The following SLC17A7 variants were observed in gnomAD, a reference collection of about 807,000 sequenced individuals.
The protein encoded by SLC17A7 is solute carrier family 17 member 7.
A neutral mutation model predicts 59.1 loss-of-function variants in SLC17A7; 15 were observed. The ratio of observed to expected loss-of-function variants is 0.25; its 90% CI spans 0.17 to 0.39. The LOEUF (loss-of-function observed/expected upper bound fraction) is 0.39, where lower values mean the gene tolerates loss of function less well. Ranked by LOEUF, SLC17A7 falls within the 10% of genes least tolerant of loss-of-function variation. The probability of loss-of-function intolerance (pLI) is 1.00; values close to 1 mark genes in which losing one functional copy is unlikely to be tolerated. For synonymous variants in SLC17A7, 353 were observed against 308.9 expected (o/e 1.14, Z -1.50); for missense variants, 499 against 765.1 (o/e 0.65, Z 4.10).
At chr19:49,441,275 T>C (rs781243235) in intron 1 of SLC17A7, 43 bp downstream of exon 1, 7 of 1,596,526 alleles carry the variant, frequency 4.4e-6, no homozygotes, top group Non-Finnish European at 6.0e-6. Context: ...AGCATCCTCC[T>C]CAGATCCTCC....
rs1878680999 is a variant in SLC17A7, at chr19:49,436,450, G to T, written c.315+99C>A. 8 of 1,484,052 alleles carry T rather than the reference G, an allele frequency of 5.4e-6. No homozygotes were observed. In the South Asian group the frequency reaches 6.2e-5, roughly 12 times the overall value. 91.9% of individuals were successfully genotyped at this position (1,484,052 alleles called of 1,614,324 possible). A position where few individuals can be genotyped will look rare whatever the true frequency, so the allele number is the denominator to read the frequency against. On this transcript the variant is annotated intron_variant, in intron 2 of 11. Coordinates refer to ENST00000221485, the MANE Select transcript of SLC17A7 (RefSeq NM_020309.4). The surrounding 1 kb of genome is among the most constrained non-coding windows in gnomAD (Gnocchi z 4.1). The stretch of plus-strand genomic sequence containing the variant: ...ATTCCGACAGCGTTTCGGAAGGGGC[G>T]TGGCCTGGACGTCTGGTGGGTGAGT...
At position 49,430,500 on chromosome 19, in the gene SLC17A7, T is replaced by G. The variant is rs2078953959; in HGVS notation, c.*19A>C. 6.5e-7 allele frequency: 1 copy of G among 1,537,354 alleles called. No individual in the cohort carries two copies. Among genetic ancestry groups the G allele is most frequent in the African/African-American group, 1.4e-5 (1 of 72,958 alleles). On this transcript the variant is annotated 3_prime_UTR_variant, in exon 12 of 12. Transcript: ENST00000221485. ...GGAATGGAGGTCCTGGAAACTGCCA[T>G]TCAGTGGGAGGCACATGGTCAGTAG...
At chr19:49,432,185 C>T (rs2078963239) in intron 9 of SLC17A7, among the ~76,000 whole-genome samples, 1 of 152,194 alleles carries the variant, frequency 6.6e-6, no homozygotes, top group African/African-American at 2.4e-5. Context: ...TTGCTCTTAG[C>T]GCCTCTTCAT....
At position 49,429,846 on chromosome 19, in the gene SLC17A7, G is replaced by T; in HGVS notation, c.*673C>A. 6.0e-6 allele frequency: 2 copies of T among 336,128 alleles called. No homozygotes were observed. The highest frequency in any genetic ancestry group is 1.1e-5 in the Non-Finnish European group (2 of 186,174). The allele number at this position is 336,128 out of a possible 1,614,324, so 20.8% of individuals were successfully genotyped here. On this transcript the variant is annotated 3_prime_UTR_variant, in exon 12 of 12. Transcript: ENST00000221485. ...GGTAGAGAGGCATATTGTTAAAATT[G>T]CGATTTTGGTTGTTTCCCCAGACAT...
intron 3 of SLC17A7, 31 bp downstream of exon 3, chr19:49,435,137 T>C: frequency 6.6e-7 from 1 of 1,513,372 alleles, no homozygotes; most frequent in Non-Finnish European, 9.2e-7. Context: ...CAACTGTAGT[T>C]ACCGCCCACT....
chr19:49,435,438 C>T lies in SLC17A7; in HGVS notation c.316-152G>A. Reference sequence around the variant, plus strand: ...GCCAATCAAAGCTCACACTATCTTTCTGTCAATTAAAGTCTACAAACTCCG... The same window carrying T: ...GCCAATCAAAGCTCACACTATCTTTTTGTCAATTAAAGTCTACAAACTCCG... On this transcript the variant is annotated intron_variant, in intron 2 of 11. Coordinates refer to ENST00000221485, the MANE Select transcript of SLC17A7 (RefSeq NM_020309.4). The T allele has an allele frequency of 6.2e-6, 4 of 640,082 alleles. No homozygotes were observed. The South Asian group carries it at 7.5e-5, about 12-fold the overall frequency. The allele number at this position is 640,082 out of a possible 1,614,324, so 39.7% of individuals were successfully genotyped here.
At position 49,432,800 on chromosome 19, in the gene SLC17A7, C is replaced by T. The variant is rs759357519; in HGVS notation, c.1017+11G>A. On this transcript the variant is annotated intron_variant, in intron 8 of 11. Transcript: ENST00000221485. ...CTCCGCGCCCCCCTGCCCTCTCCTC[C>T]TGGGCTCTACCTTGCTGATCTCGAA... 11 of 1,587,820 alleles carry T rather than the reference C, an allele frequency of 6.9e-6. No homozygotes were observed. The highest frequency in any genetic ancestry group is 8.6e-6 in the Non-Finnish European group (10 of 1,166,928).
At position 49,431,335 on chromosome 19, in the gene SLC17A7, C is replaced by T. The variant is rs1247748208; in HGVS notation, c.1261+3G>A. The T allele has an allele frequency of 1.9e-6, 3 of 1,613,820 alleles. No individual in the cohort carries two copies. Among genetic ancestry groups the T allele is most frequent in the Non-Finnish European group, 2.5e-6 (3 of 1,179,858 alleles). On this transcript the variant is annotated splice_donor_region_variant and intron_variant, in intron 10 of 11. Transcript: ENST00000221485. This position sits in a 1 kb window ranked among gnomAD's most constrained non-coding sequence, Gnocchi z 4.6. ...CCCCAAGCTGCGGATCCGCGGTTCTCACCAGAGATGGCGAAGCCGCTGAAG... is the reference window on the plus strand; with the variant it reads ...CCCCAAGCTGCGGATCCGCGGTTCTTACCAGAGATGGCGAAGCCGCTGAAG...
At chr19:49,432,426 G>A in intron 9 of SLC17A7, 93 bp downstream of exon 9, 1 of 1,476,816 alleles carries the variant, frequency 6.8e-7, no homozygotes, top group African/African-American at 1.4e-5. Context: ...CAGGCTGGAT[G>A]GTTTCCGCCT....
In SLC17A7 at chr19:49,436,580, G is replaced by T. The variant is rs1217078218; in HGVS notation, c.284C>A (p.Thr95Lys). The change falls in exon 2 of 12, where the codon ACG (threonine) becomes AAG (lysine). Residue 95 changes from threonine (T) to lysine (K), a missense_variant. Thr to Lys is a moderately conservative substitution (Grantham distance 78, BLOSUM62 -1). Coordinates refer to ENST00000221485, the MANE Select transcript of SLC17A7 (RefSeq NM_020309.4). This position sits in a 1 kb window ranked among gnomAD's most constrained non-coding sequence, Gnocchi z 4.1. ...VAIVSMVNNS[T>K]THRGGHVVVQ... ...CACCACGTGGCCCCCGCGGTGGGTCGTGCTGTTATTGACCATGGAGACGAT... is the reference window on the plus strand; with the variant it reads ...CACCACGTGGCCCCCGCGGTGGGTCTTGCTGTTATTGACCATGGAGACGAT... 3 of 1,613,776 alleles carry T rather than the reference G, an allele frequency of 1.9e-6. No individual in the cohort carries two copies.
At position 49,433,612 on chromosome 19, in the gene SLC17A7, C is replaced by G. The variant is rs751668610; in HGVS notation, c.867+114G>C. 1 of 1,467,210 alleles carries G rather than the reference C, an allele frequency of 6.8e-7. No homozygotes were observed. The highest frequency in any genetic ancestry group is 2.4e-5 in the East Asian group (1 of 42,298). 90.9% of individuals were successfully genotyped at this position (1,467,210 alleles called of 1,614,324 possible). A position where few individuals can be genotyped will look rare whatever the true frequency, so the allele number is the denominator to read the frequency against. ...TCCTAGGTTCTAGCCCCTCTCTTTG[C>G]GTTCCAGTCCCGTCTCCTCTAGAGT... On this transcript the variant is annotated intron_variant, in intron 7 of 11. Transcript: ENST00000221485. The surrounding 1 kb of genome is among the most constrained non-coding windows in gnomAD (Gnocchi z 5.7).
chr19:49,430,283 T>C lies in SLC17A7; in HGVS notation c.*236A>G. On this transcript the variant is annotated 3_prime_UTR_variant, in exon 12 of 12. Transcript: ENST00000221485. ...TTTGAAACCACTGAGGCAGAACGGGTGGAGAGGGAACCTTTAGGGGAATTT... is the reference window on the plus strand; with the variant it reads ...TTTGAAACCACTGAGGCAGAACGGGCGGAGAGGGAACCTTTAGGGGAATTT... The C allele has an allele frequency of 2.4e-6, 1 of 423,720 alleles. No homozygotes were observed. Among genetic ancestry groups the C allele is most frequent in the Non-Finnish European group, 4.2e-6 (1 of 239,216 alleles). The allele number at this position is 423,720 out of a possible 1,614,324, so 26.2% of individuals were successfully genotyped here.
intron 3 of SLC17A7, 39 bp downstream of exon 3, chr19:49,435,129 A>C (rs774227144): frequency 1.4e-6 from 2 of 1,458,986 alleles, no homozygotes; most frequent in South Asian, 2.3e-5. Context: ...CACCCACACA[A>C]CTGTAGTTAC....
In SLC17A7 at chr19:49,433,633, A is replaced by G; in HGVS notation, c.867+93T>C. On this transcript the variant is annotated intron_variant, in intron 7 of 11. Coordinates refer to ENST00000221485, the MANE Select transcript of SLC17A7 (RefSeq NM_020309.4). The surrounding 1 kb of genome is among the most constrained non-coding windows in gnomAD (Gnocchi z 5.7). ...TTTGCGTTCCAGTCCCGTCTCCTCTAGAGTCTGCAGGAACCGTCCCTGATC... is the reference window on the plus strand; with the variant it reads ...TTTGCGTTCCAGTCCCGTCTCCTCTGGAGTCTGCAGGAACCGTCCCTGATC... The G allele has an allele frequency of 6.6e-7, 1 of 1,526,360 alleles. No homozygotes were observed. The highest frequency in any genetic ancestry group is 8.9e-7 in the Non-Finnish European group (1 of 1,121,102). The allele number at this position is 1,526,360 out of a possible 1,614,324, so 94.6% of individuals were successfully genotyped here. A position where few individuals can be genotyped will look rare whatever the true frequency, so the allele number is the denominator to read the frequency against.
chr19:49,432,867 G>A lies in SLC17A7; in HGVS notation c.961C>T (p.Leu321=), dbSNP rs1271151364. 7 of 1,595,028 alleles carry A rather than the reference G, an allele frequency of 4.4e-6. No homozygotes were observed. The highest frequency in any genetic ancestry group is 6.0e-6 in the Non-Finnish European group (7 of 1,170,702). The change falls in exon 8 of 12, where the codon CTG becomes TTG. Residue 321 remains leucine (L), a synonymous_variant. Coordinates refer to ENST00000221485, the MANE Select transcript of SLC17A7 (RefSeq NM_020309.4). ...NFCRSWTFYL[L]LISQPAYFEE... is the part of the protein sequence containing the mutation. Reference sequence around the variant, plus strand: ...AAGTAGGCGGGCTGGGAGATGAGCAGCAGGTAGAACGTCCAGCTGCGGCAG... The same window carrying A: ...AAGTAGGCGGGCTGGGAGATGAGCAACAGGTAGAACGTCCAGCTGCGGCAG...
chr19:49,435,399 A>G, intron 2 of SLC17A7, 113 bp from the exon 3 acceptor site: 1 of 713,362 alleles, frequency 1.4e-6, no homozygotes, highest in East Asian at 2.5e-5. Context: ...AACCCCTCCC[A>G]CCTCCAAAAG....
intron 9 of SLC17A7, among the ~76,000 whole-genome samples, 195 bp downstream of exon 9, chr19:49,432,324 C>T (rs2078963703): frequency 1.3e-5 from 2 of 152,176 alleles, no homozygotes; most frequent in Admixed American, 6.5e-5. Flanking sequence ...GCCCCTTGGA[C>T]GGCCGCGTGA....
chr19:49,434,519 G>A, intron 5 of SLC17A7, 83 bp downstream of exon 5: 3 of 736,868 alleles, frequency 4.1e-6, no homozygotes, highest in Non-Finnish European at 6.4e-6. Flanking sequence ...AGCCCCCCCA[G>A]CCCCTCCCCG....
Position 49,430,450 on chromosome 19 carries a change from A to G in SLC17A7, c.*69T>C. 8.6e-7 allele frequency: 1 copy of G among 1,159,398 alleles called. No homozygotes were observed. The highest frequency in any genetic ancestry group is 1.2e-6 in the Non-Finnish European group (1 of 817,310). 71.8% of individuals were successfully genotyped at this position (1,159,398 alleles called of 1,614,324 possible). A position where few individuals can be genotyped will look rare whatever the true frequency, so the allele number is the denominator to read the frequency against. On this transcript the variant is annotated 3_prime_UTR_variant, in exon 12 of 12. Coordinates refer to ENST00000221485, the MANE Select transcript of SLC17A7 (RefSeq NM_020309.4). ...ACAGAGAGGAGCAGGGTTCCTTGAC[A>G]CTGTCACTCAGGCCAGAGATGAGTG...
Sources: gnomAD v4.1 joint callset for allele counts (sites outside exome capture counted in the v4.1 genomes callset) on GRCh38, gnomAD v4.1.1 for gene constraint, Gnocchi (gnomAD v3.1) non-coding constraint, MANE v1.5 for transcripts, NCBI Gene and HGNC (gene_info 2026-07-23, HGNC 2026-07-21) for gene names.